The following OR6J1 variants were observed in gnomAD, a reference collection of about 807,000 sequenced individuals.
OR6J1 encodes olfactory receptor 6J1.
For synonymous variants in OR6J1, 109 were observed against 70.0 expected (o/e 1.56, Z -2.78); for missense variants, 304 against 166.8 (o/e 1.82, Z -4.53).
Position 22,634,631 on chromosome 14 carries a change from A to G in OR6J1, c.181T>C (p.Phe61Leu). 1.3e-6 allele frequency: 1 copy of G among 742,400 alleles called. No individual in the cohort carries two copies. The allele number at this position is 742,400 out of a possible 1,614,324, so 46.0% of individuals were successfully genotyped here. A position where few individuals can be genotyped will look rare whatever the true frequency, so the allele number is the denominator to read the frequency against. Reference sequence around the variant, plus strand: ...TCCAGGATAGAGAGGTTGCACAAGAAGAAGTACATGGGGGTGTGGAGGCGG... The same window carrying G: ...TCCAGGATAGAGAGGTTGCACAAGAGGAAGTACATGGGGGTGTGGAGGCGG... The part of the protein sequence containing the change: ...CSRLHTPMYF[F>L]LCNLSILDIL... Residue 61 changes from phenylalanine (F) to leucine (L), a missense_variant, in exon 2 of 2, where the codon TTC becomes CTC. By Grantham distance (22) the Phe-to-Leu change is conservative (BLOSUM62 0). Transcript: ENST00000540461.
In OR6J1 at chr14:22,637,908, G is replaced by C. The variant is rs1384200512; in HGVS notation, c.-27-3070C>G. ...GCCCTGTCCGGGAGGGAGGTGGGGG[G>C]GTCAGCCCCCGCCCGGCCGGCCGCC... is the stretch of plus-strand genomic sequence containing the variant. On this transcript the variant is annotated intron_variant, in intron 1 of 1. Coordinates refer to ENST00000540461, the MANE Select transcript of OR6J1 (RefSeq NM_001348233.2). 4.5e-5 allele frequency among the ~76,000 whole-genome samples: 2 copies of C among 44,126 alleles called. 1 individual carries two copies. Among genetic ancestry groups the C allele is most frequent in the Non-Finnish European group, 8.8e-5 (2 of 22,626 alleles). 28.9% of individuals were successfully genotyped at this position (44,126 alleles called of 152,430 possible).
At chr14:22,641,184 AAG>A (rs1406002491) in intron 1 of OR6J1, among the ~76,000 whole-genome samples, 1 of 107,772 alleles carries the variant, frequency 9.3e-6, no homozygotes, top group Non-Finnish European at 1.9e-5. Flanking sequence ...GAGAGAGAGA[AAG>A]AGAGACAGAG....
chr14:22,641,210 TAAGAAAGAAAGA>T (rs992658481), intron 1 of OR6J1, among the ~76,000 whole-genome samples: 1,614 of 122,476 alleles, frequency 0.013, 59 homozygotes, highest in Middle Eastern at 0.04. Context: ...GAGAGAAAGA[TAAGAAAGAAAGA>T]AAGAAAGAAA....
chr14:22,641,396 AGAAAGGAAGGATGG>A (rs2037648950), intron 1 of OR6J1, among the ~76,000 whole-genome samples: 2 of 123,142 alleles, frequency 1.6e-5, no homozygotes, highest in Non-Finnish European at 3.4e-5. Flanking sequence ...AGAGAGAGAG[AGAAAGGAAGGATGG>A]AAGGAAGGAA....
In OR6J1 at chr14:22,634,181, C is replaced by T. The variant is rs377513608; in HGVS notation, c.631G>A (p.Val211Ile). The change falls in exon 2 of 2, where the codon GTC (valine) becomes ATC (isoleucine). Residue 211 changes from valine (V) to isoleucine (I), a missense_variant. Transcript: ENST00000540461. The part of the protein sequence containing the change: ...LSSMVILCCI[V>I]LVAYSYTYII... ...TACGTATAGGAATAGGCCACGAGGACTATGCAGCAGAGGATGACCATGGAA... is the reference window on the plus strand; with the variant it reads ...TACGTATAGGAATAGGCCACGAGGATTATGCAGCAGAGGATGACCATGGAA... 2.8e-6 allele frequency: 2 copies of T among 703,464 alleles called. No individual in the cohort carries two copies. 43.6% of individuals were successfully genotyped at this position (703,464 alleles called of 1,614,324 possible). A position where few individuals can be genotyped will look rare whatever the true frequency, so the allele number is the denominator to read the frequency against.
chr14:22,643,750 CACACACACACACACAGAGAGAGAG>C (rs1213883914), intron 1 of OR6J1, among the ~76,000 whole-genome samples: 3 of 107,528 alleles, frequency 2.8e-5, no homozygotes, highest in African/African-American at 1.1e-4. Flanking sequence ...CACACACACA[CACACACACACACACAGAGAGAGAG>C]AGAGAGAGAG....
intron 1 of OR6J1, among the ~76,000 whole-genome samples, chr14:22,641,217 GAAAGAAAGAAAGAA>G (rs2037643862): frequency 5.4e-5 from 1 of 18,550 alleles, no homozygotes; most frequent in African/African-American, 2.0e-4. Context: ...AGATAAGAAA[GAAAGAAAGAAAGAA>G]AGAAAGAAAG....
At chr14:22,643,979 T>C (rs893782200) in intron 1 of OR6J1, 119 bp downstream of exon 1, 2 of 152,092 alleles carry the variant, frequency 1.3e-5, no homozygotes, top group Admixed American at 6.5e-5. Flanking sequence ...TGGAAAATCA[T>C]TTCCTCACAT....
Position 22,643,752 on chromosome 14 carries a change from C to G in OR6J1, c.-28+346G>C, listed in dbSNP as rs1229968780. ...ACACACACACACACACACACACACA[C>G]ACACACACACACAGAGAGAGAGAGA... On this transcript the variant is annotated intron_variant, in intron 1 of 1. Coordinates refer to ENST00000540461, the MANE Select transcript of OR6J1 (RefSeq NM_001348233.2). Among the ~76,000 whole-genome samples, 41 of 107,276 alleles carry G rather than the reference C, an allele frequency of 3.8e-4. 1 individual carries two copies. Among genetic ancestry groups the G allele is most frequent in the African/African-American group, 4.8e-4 (13 of 26,902 alleles). The allele number at this position is 107,276 out of a possible 152,430, so 70.4% of individuals were successfully genotyped here. A position where few individuals can be genotyped will look rare whatever the true frequency, so the allele number is the denominator to read the frequency against.
rs776660209 is a variant in OR6J1, at chr14:22,633,700, C to G, written c.*68G>C. The G allele has an allele frequency of 6.6e-6, 4 of 606,490 alleles. No individual in the cohort carries two copies. In the Admixed American group the frequency reaches 8.8e-5, roughly 13 times the overall value. 37.6% of individuals were successfully genotyped at this position (606,490 alleles called of 1,614,324 possible). ...TCAAGTCTCTGTCTCCGCAGTCAGT[C>G]TTTCCACTATAGACTATTCAGAATT... On this transcript the variant is annotated 3_prime_UTR_variant, in exon 2 of 2. Coordinates refer to ENST00000540461, the MANE Select transcript of OR6J1 (RefSeq NM_001348233.2).
intron 1 of OR6J1, among the ~76,000 whole-genome samples, chr14:22,643,304 T>C (rs1253721907): frequency 6.6e-6 from 1 of 150,776 alleles, no homozygotes; most frequent in Non-Finnish European, 1.5e-5. Context: ...TTTTACTTTT[T>C]TTATTTTTTG....
At position 22,634,851 on chromosome 14, in the gene OR6J1, A is replaced by T. The variant is rs2037573210; in HGVS notation, c.-27-13T>A. On this transcript the variant is annotated splice_polypyrimidine_tract_variant and intron_variant, in intron 1 of 1. Transcript: ENST00000540461. ...TGGCTCAATTCTCCTAACAGAACAAAGGGAGATAACACTTAAGAGAGTGTT... is the reference window on the plus strand; with the variant it reads ...TGGCTCAATTCTCCTAACAGAACAATGGGAGATAACACTTAAGAGAGTGTT... 1 of 638,046 alleles carries T rather than the reference A, an allele frequency of 1.6e-6. No homozygotes were observed. The highest frequency in any genetic ancestry group is 2.7e-5 in the East Asian group (1 of 36,890). 39.5% of individuals were successfully genotyped at this position (638,046 alleles called of 1,614,324 possible).
rs866101129 is a variant in OR6J1 at position 22,638,083 on chromosome 14, T to C, written c.-27-3245A>G. Among the ~76,000 whole-genome samples the C allele has an allele frequency of 1.6e-3, 139 of 86,586 alleles. 1 individual carries two copies. Among genetic ancestry groups the C allele is most frequent in the African/African-American group, 4.8e-3 (62 of 12,836 alleles). 56.8% of individuals were successfully genotyped at this position (86,586 alleles called of 152,430 possible). ...GCCCCATCCGGGAGGTGAGGGGCGC[T>C]TCTGCCCGGCCGCCCCTACTGGGAA... On this transcript the variant is annotated intron_variant, in intron 1 of 1. Transcript: ENST00000540461.
chr14:22,637,902 T>TG (rs1388920463), intron 1 of OR6J1, among the ~76,000 whole-genome samples: 1 of 15,320 alleles, frequency 6.5e-5, no homozygotes, highest in East Asian at 2.4e-3. Flanking sequence ...GGGAGGGAGG[T>TG]GGGGGGGTCA....
intron 1 of OR6J1, among the ~76,000 whole-genome samples, chr14:22,637,644 GC>G (rs1215263590): frequency 1.4e-5 from 1 of 72,784 alleles, no homozygotes; most frequent in African/African-American, 7.5e-5. Context: ...GGGGGGGTCA[GC>G]CCCCCGCCCG....
chr14:22,636,704 G>C (rs1173954293), intron 1 of OR6J1, among the ~76,000 whole-genome samples: 6 of 115,542 alleles, frequency 5.2e-5, no homozygotes, highest in Non-Finnish European at 1.0e-4. Flanking sequence ...ACGGAGTCTC[G>C]TTCACTCAGT....
intron 1 of OR6J1, among the ~76,000 whole-genome samples, chr14:22,642,312 A>AATATATATAGATATATAT (rs2037658196): frequency 9.2e-6 from 1 of 109,240 alleles, no homozygotes; most frequent in Non-Finnish European, 1.8e-5. Flanking sequence ...TCAACTTAAG[A>AATATATATAGATATATAT]ATATATATAT....
intron 1 of OR6J1, among the ~76,000 whole-genome samples, chr14:22,639,487 C>A (rs2037625978): frequency 7.5e-6 from 1 of 132,864 alleles, no homozygotes; most frequent in Non-Finnish European, 1.6e-5. Context: ...GGAGGTGTGC[C>A]CAACAGCTCA....
Position 22,634,317 on chromosome 14 carries a change from C to A in OR6J1, c.495G>T (p.Leu165=), listed in dbSNP as rs762138660. The stretch of plus-strand genomic sequence containing the variant: ...TAATGATATTGGAGCCACAGAAGGG[C>A]AGCTGGGAGATGAGGATGGTTGGAA... ...VLFPTILISQ[L]PFCGSNIINH... is the part of the protein sequence containing the mutation. Residue 165 remains leucine, a synonymous_variant, in exon 2 of 2, where the codon CTG becomes CTT. Coordinates refer to ENST00000540461, the MANE Select transcript of OR6J1 (RefSeq NM_001348233.2). 2.7e-5 allele frequency: 19 copies of A among 703,250 alleles called. No homozygotes were observed. Among genetic ancestry groups the A allele is most frequent in the South Asian group, 2.4e-4 (16 of 67,580 alleles). The allele number at this position is 703,250 out of a possible 1,614,324, so 43.6% of individuals were successfully genotyped here. A position where few individuals can be genotyped will look rare whatever the true frequency, so the allele number is the denominator to read the frequency against.
Sources: gnomAD v4.1 joint callset for allele counts (sites outside exome capture counted in the v4.1 genomes callset) on GRCh38, gnomAD v4.1.1 for gene constraint, MANE v1.5 for transcripts, NCBI Gene and HGNC (gene_info 2026-07-23, HGNC 2026-07-21) for gene names.